Variants in PARD3 observed in about 807,000 individuals in gnomAD.
PARD3 encodes the protein partitioning defective 3 homolog.
A neutral mutation model predicts 155.4 loss-of-function variants in PARD3; 75 were observed. The ratio of observed to expected loss-of-function variants is 0.48; its 90% CI spans 0.40 to 0.58. The LOEUF (loss-of-function observed/expected upper bound fraction) is 0.58. Ranked by LOEUF, PARD3 falls within the 20% of genes least tolerant of loss-of-function variation. The probability of loss-of-function intolerance (pLI) is 0.00; values close to 1 mark genes in which losing one functional copy is unlikely to be tolerated. For synonymous variants in PARD3, 576 were observed against 610.5 expected (o/e 0.94, Z 0.83); for missense variants, 1,642 against 1,721.7 (o/e 0.95, Z 0.82).
chr10:34,681,742 ATATATATATATATATATATATATATATTT>A (rs1347891192), intron 2 of PARD3, among the ~76,000 whole-genome samples: 2 of 13,658 alleles, frequency 1.5e-4, no homozygotes, highest in Non-Finnish European at 2.6e-4. Context: ...ATATATATAT[ATATATATATATATATATATATATATATTT>A]TTTTTTTTTT....
rs369816858 is a variant in PARD3 at position 34,377,971 on chromosome 10, A to G, written c.1535T>C (p.Ile512Thr). The G allele has an allele frequency of 1.2e-5, 19 of 1,568,894 alleles. No homozygotes were observed. The highest frequency in any genetic ancestry group is 7.0e-5 in the African/African-American group (5 of 71,366). Residue 512 changes from isoleucine (I) to threonine (T), a missense_variant, in exon 10 of 25, where the codon ATA becomes ACA. Coordinates refer to ENST00000374788, the MANE Select transcript of PARD3 (RefSeq NM_001184785.2). ...DGRLKAGDRL[I>T]EVNGVDLVGK... is the part of the protein sequence containing the mutation. ...CCTGCTGGGGAAGTCACTTACCTCT[A>G]TAAGTCTGTCTCCTGCCTTAAGTCG...
At chr10:34,582,003 T>C (rs996998003) in intron 2 of PARD3, among the ~76,000 whole-genome samples, 3 of 152,228 alleles carry the variant, frequency 2.0e-5, no homozygotes, top group African/African-American at 4.8e-5. Context: ...ATGTTAAGAA[T>C]AGGAAGCTGA....
intron 1 of PARD3, among the ~76,000 whole-genome samples, chr10:34,782,725 T>C (rs1427622890): frequency 2.6e-5 from 4 of 151,966 alleles, no homozygotes; most frequent in Non-Finnish European, 4.4e-5. Context: ...AGGAAAGTTT[T>C]TTTTTTTTCT....
At chr10:34,378,176 G>T in intron 9 of PARD3, 70 bp from the exon 10 acceptor site, 1 of 1,144,524 alleles carries the variant, frequency 8.7e-7, no homozygotes, top group Non-Finnish European at 1.2e-6. Flanking sequence ...TATTGCACCA[G>T]TATACTCAAC....
chr10:34,773,326 A>G (rs1839133528), intron 1 of PARD3, among the ~76,000 whole-genome samples: 1 of 152,144 alleles, frequency 6.6e-6, no homozygotes, highest in African/African-American at 2.4e-5. Context: ...TCTGCTATAT[A>G]GACTCTATGT....
chr10:34,130,365 CTA>C (rs1409876242), intron 23 of PARD3, among the ~76,000 whole-genome samples: 1 of 152,170 alleles, frequency 6.6e-6, no homozygotes, highest in Non-Finnish European at 1.5e-5. Flanking sequence ...TCTGCCATGT[CTA>C]TCTTCCAACC....
At chr10:34,677,087 CGGAA>C (rs2093722202) in intron 2 of PARD3, among the ~76,000 whole-genome samples, 1 of 152,068 alleles carries the variant, frequency 6.6e-6, no homozygotes, top group Non-Finnish European at 1.5e-5. Flanking sequence ...GCAGTTTCTG[CGGAA>C]GGAAGTATGT....
chr10:34,454,398 C>A (rs1023686826), intron 4 of PARD3, among the ~76,000 whole-genome samples: 33 of 151,878 alleles, frequency 2.2e-4, no homozygotes, highest in Admixed American at 2.0e-3. Flanking sequence ...ACATCATGCA[C>A]TCTATTTTCA....
intron 2 of PARD3, among the ~76,000 whole-genome samples, chr10:34,524,649 C>G (rs2082356609): frequency 6.6e-6 from 1 of 152,236 alleles, no homozygotes; most frequent in Admixed American, 6.5e-5. Context: ...GCTCTACTCT[C>G]TATCATGAGT....
intron 2 of PARD3, among the ~76,000 whole-genome samples, chr10:34,565,291 A>G (rs2085838202): frequency 1.3e-5 from 1 of 75,484 alleles, no homozygotes; most frequent in African/African-American, 6.3e-5. Flanking sequence ...TTTTTTTGAG[A>G]CAGTCTCGCT....
intron 15 of PARD3, chr10:34,346,379 T>C: frequency 7.6e-7 from 1 of 1,322,898 alleles, no homozygotes; most frequent in South Asian, 1.2e-5. Context: ...GCATCAGGGA[T>C]TGGAGGCAGG....
chr10:34,541,370 G>A (rs1403316474), intron 2 of PARD3, among the ~76,000 whole-genome samples: 3 of 152,302 alleles, frequency 2.0e-5, no homozygotes, highest in African/African-American at 4.8e-5. Flanking sequence ...TCTGCAGTAT[G>A]AGACACATAA....
chr10:34,427,451 C>T (rs969750357), intron 5 of PARD3, among the ~76,000 whole-genome samples: 2 of 152,144 alleles, frequency 1.3e-5, no homozygotes, highest in African/African-American at 2.4e-5. Context: ...TCCAGCCTGG[C>T]GAATTCTAGT....
chr10:34,353,864 C>CA (rs2134434112), intron 14 of PARD3, among the ~76,000 whole-genome samples: 1 of 151,836 alleles, frequency 6.6e-6, no homozygotes, highest in East Asian at 1.9e-4. Context: ...TGCAGGGACT[C>CA]AGTTTTTCTC....
At chr10:34,510,286 C>T (rs1416852310) in intron 3 of PARD3, among the ~76,000 whole-genome samples, 1 of 152,152 alleles carries the variant, frequency 6.6e-6, no homozygotes, top group Non-Finnish European at 1.5e-5. Context: ...CTTCCCATTT[C>T]TCCATGCAAA....
chr10:34,674,118 G>A (rs760119029), intron 2 of PARD3, among the ~76,000 whole-genome samples: 1 of 151,872 alleles, frequency 6.6e-6, no homozygotes, highest in Non-Finnish European at 1.5e-5. Context: ...GAACAGTTCT[G>A]TACTCAAAAT....
intron 20 of PARD3, chr10:34,312,467 C>G (rs1957754498): frequency 7.6e-7 from 1 of 1,322,922 alleles, no homozygotes; most frequent in African/African-American, 1.4e-5. Flanking sequence ...TCTCAAATGC[C>G]TAAGATGTAT....
At chr10:34,191,765 CA>C (rs1424772847) in intron 22 of PARD3, among the ~76,000 whole-genome samples, 2 of 152,114 alleles carry the variant, frequency 1.3e-5, no homozygotes, top group Non-Finnish European at 2.9e-5. Flanking sequence ...TCCAACTCCC[CA>C]GTGAAGAACA....
At chr10:34,381,592 T>C (rs577643474) in intron 9 of PARD3, among the ~76,000 whole-genome samples, 1 of 152,192 alleles carries the variant, frequency 6.6e-6, no homozygotes, top group South Asian at 2.1e-4. Flanking sequence ...ATGGAAGATG[T>C]ATGAAGAATC....
Sources: gnomAD v4.1 joint callset for allele counts (sites outside exome capture counted in the v4.1 genomes callset) on GRCh38, gnomAD v4.1.1 for gene constraint, MANE v1.5 for transcripts, NCBI Gene and HGNC (gene_info 2026-07-23, HGNC 2026-07-21) for gene names.